Variants in CELF2 observed in about 807,000 individuals in gnomAD.
The protein encoded by CELF2 is CUG triplet repeat RNA-binding protein 2.
CELF2 carries 8 observed loss-of-function variants against 62.6 expected under a neutral mutation model. The observed-to-expected ratio is 0.13, with a 90% confidence interval of 0.07 to 0.23. The LOEUF (loss-of-function observed/expected upper bound fraction) is 0.23, where lower values mean the gene tolerates loss of function less well. CELF2 is among the 10% of genes least tolerant of loss of function. CELF2 has a pLI of 1.00. For missense variants in CELF2, 333 were observed against 671.0 expected, an observed-to-expected ratio of 0.50 and a Z score of 5.56; for synonymous variants, 258 against 250.0, an observed-to-expected ratio of 1.03 and a Z score of -0.30.
intron 1 of CELF2, among the ~76,000 whole-genome samples, chr10:10,826,415 C>T (rs1432367852): frequency 6.6e-6 from 1 of 152,146 alleles, no homozygotes; most frequent in Non-Finnish European, 1.5e-5. Flanking sequence ...AATAAAAATA[C>T]AGGACATCCA....
intron 2 of CELF2, among the ~76,000 whole-genome samples, chr10:10,985,765 T>C (rs1292965760): frequency 6.6e-6 from 1 of 152,226 alleles, no homozygotes; most frequent in African/African-American, 2.4e-5. Flanking sequence ...CCCTCTCTTG[T>C]TTCTTCTTCT....
chr10:11,167,671 G>A (rs1169204778), intron 2 of CELF2, among the ~76,000 whole-genome samples: 1 of 152,162 alleles, frequency 6.6e-6, no homozygotes, highest in Non-Finnish European at 1.5e-5. Context: ...GTTAACTTCT[G>A]TTCACTGTGC....
At chr10:10,757,318 G>A in the CELF2 span, among the ~76,000 whole-genome samples, 4 of 151,898 alleles carry the variant, frequency 2.6e-5, no homozygotes, top group African/African-American at 9.7e-5. Flanking sequence ...AATTAGATGG[G>A]CGTTTTGGTG....
At chr10:11,213,923 G>T (rs907736687) in intron 2 of CELF2, among the ~76,000 whole-genome samples, 6 of 152,180 alleles carry the variant, frequency 3.9e-5, no homozygotes, top group Admixed American at 3.9e-4. Context: ...GGTCCTGAAT[G>T]AAACACTTTG....
intron 1 of CELF2, among the ~76,000 whole-genome samples, chr10:11,050,569 A>G (rs777436150): frequency 2.2e-4 from 33 of 152,264 alleles, no homozygotes; most frequent in Non-Finnish European, 3.8e-4. Flanking sequence ...CTACGTGCAG[A>G]CACTTTCTGT....
chr10:10,577,930 G>A, the CELF2 span, among the ~76,000 whole-genome samples: 17 of 152,118 alleles, frequency 1.1e-4, no homozygotes, highest in Non-Finnish European at 5.9e-5. Flanking sequence ...CTGAGGAATC[G>A]CCACACCGAC....
In CELF2 at chr10:10,984,363, A is replaced by C. The variant is rs528217037; in HGVS notation, c.89+64364A>C. 1.7e-4 allele frequency among the ~76,000 whole-genome samples: 26 copies of C among 152,310 alleles called. No homozygotes were observed. In the South Asian group the frequency reaches 4.4e-3, roughly 26 times the overall value. On this transcript the variant is annotated intron_variant, in intron 2 of 13. Transcript: ENST00000636488. ...CAAGTAGAACAATTAAGACTCTGAA[A>C]TAGCTATTTTGCTTTGACTACTTGG...
chr10:10,717,316 G>A, the CELF2 span, among the ~76,000 whole-genome samples: 1 of 151,752 alleles, frequency 6.6e-6, no homozygotes, highest in Non-Finnish European at 1.5e-5. Context: ...GTGCTAGCAT[G>A]TACCTTTAAT....
the CELF2 span, among the ~76,000 whole-genome samples, chr10:10,530,444 A>G: frequency 6.6e-6 from 1 of 152,222 alleles, no homozygotes; most frequent in African/African-American, 2.4e-5. Context: ...TGTTTAGTAA[A>G]CGTTATCAAT....
At position 11,189,258 on chromosome 10, in the gene CELF2, C is replaced by A. The variant is rs147564368; in HGVS notation, c.271+23576C>A. 7.3e-3 allele frequency among the ~76,000 whole-genome samples: 1,106 copies of A among 152,194 alleles called. 14 individuals are homozygous for A. Among genetic ancestry groups the A allele is most frequent in the African/African-American group, 0.025 (1,049 of 41,518 alleles). On this transcript the variant is annotated intron_variant, in intron 2 of 12. Transcript: ENST00000633077. Reference sequence around the variant, plus strand: ...ATCATCACTGGATACTCAAGAGGGACCTCTGCAGATCTCTTTGACTCCTGT... The same window carrying A: ...ATCATCACTGGATACTCAAGAGGGAACTCTGCAGATCTCTTTGACTCCTGT...
intron 1 of CELF2, among the ~76,000 whole-genome samples, chr10:11,143,928 G>A (rs2061784182): frequency 6.6e-6 from 1 of 152,186 alleles, no homozygotes; most frequent in African/African-American, 2.4e-5. Context: ...AGACCTGAAG[G>A]AGACAGCTCT....
At chr10:10,540,794 C>T in the CELF2 span, among the ~76,000 whole-genome samples, 1 of 152,186 alleles carries the variant, frequency 6.6e-6, no homozygotes, top group East Asian at 1.9e-4. Context: ...CTGTAAGAGG[C>T]TGGATATTGT....
rs182973756 is a variant in CELF2 at position 11,304,023 on chromosome 10, C to G, written c.977-10116C>G. 2.5e-3 allele frequency among the ~76,000 whole-genome samples: 377 copies of G among 152,348 alleles called. 1 individual carries two copies. The highest frequency in any genetic ancestry group is 8.7e-3 in the African/African-American group (360 of 41,588). ...CTTTATTCCCAGTACGGTGGAGCTG[C>G]AGAATGTTAGTTTCCTGTTGCTGAG... On this transcript the variant is annotated intron_variant, in intron 9 of 12. Transcript: ENST00000633077.
At chr10:10,506,403 G>A in the CELF2 span, among the ~76,000 whole-genome samples, 1 of 151,780 alleles carries the variant, frequency 6.6e-6, no homozygotes, top group African/African-American at 2.4e-5. Flanking sequence ...GTCCTAAAAA[G>A]GCTAATATTT....
the CELF2 span, among the ~76,000 whole-genome samples, chr10:10,738,929 T>C: frequency 6.6e-6 from 1 of 152,214 alleles, no homozygotes; most frequent in Non-Finnish European, 1.5e-5. Flanking sequence ...TATTCCATAC[T>C]AATGTAAGAT....
chr10:11,139,935 A>G (rs1316848129), intron 1 of CELF2, among the ~76,000 whole-genome samples: 1 of 150,252 alleles, frequency 6.7e-6, no homozygotes, highest in Non-Finnish European at 1.5e-5. Flanking sequence ...CTTCGTCTCC[A>G]CTGTTAATAT....
chr10:10,661,790 A>G, the CELF2 span, among the ~76,000 whole-genome samples: 5 of 152,326 alleles, frequency 3.3e-5, no homozygotes, highest in Middle Eastern at 0.01. Flanking sequence ...GGAACATATT[A>G]GGCAGGAAGG....
chr10:11,208,824 G>T (rs1224410629), intron 2 of CELF2, among the ~76,000 whole-genome samples: 1 of 152,128 alleles, frequency 6.6e-6, no homozygotes, highest in African/African-American at 2.4e-5. Flanking sequence ...GGCAGGAGGG[G>T]GTCAGAGAGA....
At chr10:11,258,885 C>T (rs1280429207) in intron 5 of CELF2, among the ~76,000 whole-genome samples, 1 of 152,190 alleles carries the variant, frequency 6.6e-6, no homozygotes, top group Non-Finnish European at 1.5e-5. Flanking sequence ...GGGGTTTCAC[C>T]ACGTTGGCCA....
Sources: allele counts gnomAD v4.1 joint callset (sites outside exome capture counted in the v4.1 genomes callset), GRCh38; gene constraint gnomAD v4.1.1; transcripts MANE v1.5; gene names NCBI Gene and HGNC (gene_info 2026-07-23, HGNC 2026-07-21).